Variants in SFMBT1 observed in about 807,000 individuals in gnomAD.
SFMBT1 encodes Scm like with four mbt domains 1, also known as scm-like with four MBT domains protein 1.
SFMBT1 carries 32 observed loss-of-function variants against 108.7 expected under a neutral mutation model. The ratio of observed to expected loss-of-function variants is 0.29; its 90% CI spans 0.22 to 0.40. SFMBT1 has a LOEUF of 0.40. Ranked by LOEUF, SFMBT1 falls within the 10% of genes least tolerant of loss-of-function variation. SFMBT1 has a pLI of 1.00. For missense variants in SFMBT1, 816 were observed against 1,059.6 expected (o/e 0.77, Z 3.19); for synonymous variants, 348 against 369.5 (o/e 0.94, Z 0.67).
chr3:52,964,380 G>A (rs1346438684), intron 2 of SFMBT1, among the ~76,000 whole-genome samples: 3 of 152,148 alleles, frequency 2.0e-5, no homozygotes, highest in Non-Finnish European at 4.4e-5. Context: ...TGGGGATGAT[G>A]GCATGTGCCT....
At chr3:52,993,598 C>G (rs544514500) in intron 1 of SFMBT1, among the ~76,000 whole-genome samples, 1 of 149,950 alleles carries the variant, frequency 6.7e-6, no homozygotes, top group Non-Finnish European at 1.5e-5. Flanking sequence ...CTACATATAA[C>G]TCCTAGTAGG....
intron 1 of SFMBT1, among the ~76,000 whole-genome samples, chr3:53,029,792 G>A (rs1261479312): frequency 6.6e-6 from 1 of 152,020 alleles, no homozygotes; most frequent in Admixed American, 6.6e-5. Context: ...TGCAACATGT[G>A]GTGGGTGGAG....
At chr3:52,951,139 T>G (rs911119424) in intron 3 of SFMBT1, among the ~76,000 whole-genome samples, 1 of 39,034 alleles carries the variant, frequency 2.6e-5, no homozygotes, top group Non-Finnish European at 5.2e-5. Context: ...AAAAGAAAAA[T>G]CCAAGGTTTT....
chr3:53,034,635 A>T (rs1699806291), intron 1 of SFMBT1, among the ~76,000 whole-genome samples: 4 of 152,058 alleles, frequency 2.6e-5, no homozygotes, highest in South Asian at 2.1e-4. Flanking sequence ...AATTAAAAAC[A>T]TATTAAAAGA....
intron 1 of SFMBT1, among the ~76,000 whole-genome samples, chr3:52,989,756 T>C (rs1197282506): frequency 6.6e-6 from 1 of 151,178 alleles, no homozygotes; most frequent in Non-Finnish European, 1.5e-5. Flanking sequence ...GTCACGCCAC[T>C]GCACTCCAGC....
chr3:52,939,311 C>T (rs1703112728), intron 4 of SFMBT1, among the ~76,000 whole-genome samples: 1 of 152,216 alleles, frequency 6.6e-6, no homozygotes, highest in African/African-American at 2.4e-5. Context: ...AGCCGGACTA[C>T]ACCTGCAATC....
chr3:52,962,168 G>A (rs1229873264), intron 2 of SFMBT1, among the ~76,000 whole-genome samples: 2 of 152,182 alleles, frequency 1.3e-5, no homozygotes, highest in Non-Finnish European at 1.5e-5. Flanking sequence ...CTCTGTGGAA[G>A]AAAACTTGGC....
chr3:52,909,629 C>T (rs1702170657), intron 17 of SFMBT1, among the ~76,000 whole-genome samples: 1 of 152,162 alleles, frequency 6.6e-6, no homozygotes, highest in South Asian at 2.1e-4. Flanking sequence ...GATCTGCATG[C>T]ACTATAGTTT....
At chr3:52,981,396 T>C (rs1018995870) in intron 1 of SFMBT1, among the ~76,000 whole-genome samples, 3 of 152,076 alleles carry the variant, frequency 2.0e-5, no homozygotes, top group African/African-American at 7.2e-5. Flanking sequence ...AGGGTCTTGT[T>C]CTGTCACCCA....
chr3:52,920,396 CAATA>C (rs1456976959), intron 12 of SFMBT1, 137 bp downstream of exon 12: 2 of 703,776 alleles, frequency 2.8e-6, no homozygotes, highest in Admixed American at 5.8e-5. Flanking sequence ...ATATTTGTTA[CAATA>C]AATAATTTCC....
chr3:52,975,380 T>A (rs373090396), intron 1 of SFMBT1, among the ~76,000 whole-genome samples: 1 of 152,032 alleles, frequency 6.6e-6, no homozygotes, highest in South Asian at 2.1e-4. Flanking sequence ...GTATTTGACT[T>A]GATAAGATAA....
At chr3:52,956,352 C>T (rs1381416072) in intron 2 of SFMBT1, among the ~76,000 whole-genome samples, 2 of 152,152 alleles carry the variant, frequency 1.3e-5, no homozygotes, top group African/African-American at 2.4e-5. Context: ...CCCAGCTACT[C>T]GGGAGGCTGA....
chr3:52,981,618 A>G (rs1048240141), intron 1 of SFMBT1, among the ~76,000 whole-genome samples: 4 of 150,948 alleles, frequency 2.6e-5, no homozygotes, highest in Admixed American at 6.6e-5. Flanking sequence ...GGCTCAAGCA[A>G]TCCTCCCACC....
chr3:53,017,248 AC>A (rs1259218402), intron 1 of SFMBT1, among the ~76,000 whole-genome samples: 1 of 152,224 alleles, frequency 6.6e-6, no homozygotes, highest in African/African-American at 2.4e-5. Context: ...ATTTCTGCAC[AC>A]CATACTACTT....
rs1323245775 is a variant in SFMBT1 at position 53,004,572 on chromosome 3, A to G, written c.-130-35314T>C. Among the ~76,000 whole-genome samples, 3 of 149,944 alleles carry G rather than the reference A, an allele frequency of 2.0e-5. No homozygotes were observed. The East Asian group carries it at 5.9e-4, about 29-fold the overall frequency. ...CAGGTGTGAGCCACCACGCCTGGCCATTCTTTCTTTTTTAAAGCAAGAATT... is the reference window on the plus strand; with the variant it reads ...CAGGTGTGAGCCACCACGCCTGGCCGTTCTTTCTTTTTTAAAGCAAGAATT... On this transcript the variant is annotated intron_variant, in intron 1 of 20. Transcript: ENST00000394752.
chr3:53,003,905 C>G (rs1323552380), intron 1 of SFMBT1, among the ~76,000 whole-genome samples: 3 of 149,886 alleles, frequency 2.0e-5, no homozygotes, highest in Non-Finnish European at 3.0e-5. Context: ...CAATACTTAA[C>G]AAGTATGGAA....
At chr3:52,918,548 TA>T in intron 12 of SFMBT1, 22 bp from the exon 13 acceptor site, 1 of 1,463,684 alleles carries the variant, frequency 6.8e-7, no homozygotes, top group Non-Finnish European at 9.2e-7. Context: ...AAAAAATATA[TA>T]AATGCCAAGA....
chr3:52,969,623 GGA>G (rs1402505396), intron 1 of SFMBT1, among the ~76,000 whole-genome samples: 1 of 152,116 alleles, frequency 6.6e-6, no homozygotes, highest in African/African-American at 2.4e-5. Flanking sequence ...GGGAGACAGG[GGA>G]GTTAGCTTTC....
intron 4 of SFMBT1, among the ~76,000 whole-genome samples, chr3:52,936,772 C>T (rs189499179): frequency 6.6e-6 from 1 of 152,184 alleles, no homozygotes; most frequent in African/African-American, 2.4e-5. Context: ...ATTTCTTCTT[C>T]TTCTTACATC....
Sources: gnomAD v4.1 joint callset for allele counts (sites outside exome capture counted in the v4.1 genomes callset) on GRCh38, gnomAD v4.1.1 for gene constraint, MANE v1.5 for transcripts, NCBI Gene and HGNC (gene_info 2026-07-23, HGNC 2026-07-21) for gene names.